LRRIQ3: variants seen among roughly 807,000 people sequenced by gnomAD.
LRRIQ3 encodes the protein leucine-rich repeat and IQ domain-containing protein 3.
A neutral mutation model predicts 59.3 loss-of-function variants in LRRIQ3; 75 were observed. That is an observed-to-expected ratio of 1.26 (90% confidence interval 1.05 to 1.53). The LOEUF (loss-of-function observed/expected upper bound fraction) is 1.53, where lower values mean the gene tolerates loss of function less well. Ranked by LOEUF, LRRIQ3 falls within the 40% of genes most tolerant of loss-of-function variation. The probability of loss-of-function intolerance (pLI) is 0.00; values close to 1 mark genes in which losing one functional copy is unlikely to be tolerated. For synonymous variants in LRRIQ3, 250 were observed against 231.3 expected, an observed-to-expected ratio of 1.08 and a Z score of -0.73; for missense variants, 831 against 710.0, an observed-to-expected ratio of 1.17 and a Z score of -1.94.
intron 4 of LRRIQ3, among the ~76,000 whole-genome samples, chr1:74,136,923 T>G (rs1647133986): frequency 6.6e-6 from 1 of 151,994 alleles, no homozygotes; most frequent in African/African-American, 2.4e-5. Flanking sequence ...ATAACGGTTC[T>G]TTATTTATAT....
chr1:74,079,212 G>C (rs1646244582), intron 5 of LRRIQ3, among the ~76,000 whole-genome samples: 1 of 151,494 alleles, frequency 6.6e-6, no homozygotes, highest in African/African-American at 2.4e-5. Flanking sequence ...CTTTCTACGA[G>C]GTATAGAACA....
intron 3 of LRRIQ3, among the ~76,000 whole-genome samples, chr1:74,177,358 C>A (rs1265754472): frequency 2.6e-5 from 4 of 152,110 alleles, no homozygotes; most frequent in African/African-American, 9.7e-5. Context: ...GATCTCCTTG[C>A]TCCTCAAGCT....
intron 3 of LRRIQ3, among the ~76,000 whole-genome samples, chr1:74,169,922 T>C (rs1649217482): frequency 6.6e-6 from 1 of 152,154 alleles, no homozygotes; most frequent in South Asian, 2.1e-4. Flanking sequence ...ATTAGTAGTG[T>C]TATCTTTTCA....
At chr1:74,132,666 G>T (rs1015394239) in intron 4 of LRRIQ3, among the ~76,000 whole-genome samples, 1 of 152,102 alleles carries the variant, frequency 6.6e-6, no homozygotes, top group Non-Finnish European at 1.5e-5. Context: ...GCCATATGTA[G>T]AAAGCTGAAA....
At chr1:74,187,353 T>TATACACAC (rs72216884) in intron 1 of LRRIQ3, among the ~76,000 whole-genome samples, 32 of 55,390 alleles carry the variant, frequency 5.8e-4, no homozygotes, top group East Asian at 2.7e-3. Flanking sequence ...GGTATATGTT[T>TATACACAC]ACACACACAC....
chr1:74,177,825 ATCT>A (rs1282869425), intron 3 of LRRIQ3, among the ~76,000 whole-genome samples: 3 of 152,022 alleles, frequency 2.0e-5, no homozygotes, highest in Non-Finnish European at 4.4e-5. Context: ...TATCTACTCT[ATCT>A]TCTTAGAAAT....
chr1:74,164,383 C>T (rs1648845263), intron 3 of LRRIQ3, among the ~76,000 whole-genome samples: 1 of 151,400 alleles, frequency 6.6e-6, no homozygotes, highest in Admixed American at 6.6e-5. Context: ...AACACTTTCA[C>T]AGAGGAAACA....
intron 5 of LRRIQ3, among the ~76,000 whole-genome samples, chr1:74,088,216 A>C (rs185418348): frequency 7.2e-5 from 11 of 152,318 alleles, no homozygotes; most frequent in Admixed American, 2.0e-4. Flanking sequence ...ATGAGTCTAA[A>C]AATTACAAAC....
At chr1:74,118,983 T>C (rs189744779) in intron 4 of LRRIQ3, among the ~76,000 whole-genome samples, 1 of 152,266 alleles carries the variant, frequency 6.6e-6, no homozygotes, top group East Asian at 1.9e-4. Context: ...GTCTACAAAT[T>C]TAAATGTTAA....
chr1:74,044,196 TA>T (rs1406394897), intron 6 of LRRIQ3, among the ~76,000 whole-genome samples: 1 of 152,118 alleles, frequency 6.6e-6, no homozygotes, highest in Admixed American at 6.6e-5. Context: ...GCCCCTAGCC[TA>T]CTATTTTGCA....
At chr1:74,189,628 C>T (rs550682271) in intron 1 of LRRIQ3, among the ~76,000 whole-genome samples, 1 of 152,142 alleles carries the variant, frequency 6.6e-6, no homozygotes, top group Non-Finnish European at 1.5e-5. Context: ...TGGGAGAGAC[C>T]CAGTGGGAGA....
intron 1 of LRRIQ3, among the ~76,000 whole-genome samples, chr1:74,187,242 G>C (rs1175306699): frequency 6.6e-6 from 1 of 151,816 alleles, no homozygotes; most frequent in Non-Finnish European, 1.5e-5. Context: ...GTTTATAGCA[G>C]CACAACTCAC....
At chr1:74,043,568 C>T (rs1340076507) in intron 6 of LRRIQ3, among the ~76,000 whole-genome samples, 1 of 152,060 alleles carries the variant, frequency 6.6e-6, no homozygotes, top group Non-Finnish European at 1.5e-5. Context: ...TATGTGTGTC[C>T]AAAGCAAGAG....
chr1:74,048,799 G>A (rs1654278648), intron 6 of LRRIQ3, among the ~76,000 whole-genome samples: 1 of 152,070 alleles, frequency 6.6e-6, no homozygotes, highest in East Asian at 1.9e-4. Context: ...TGTGTGAACA[G>A]TGTATACATA....
At position 74,075,948 on chromosome 1, in the gene LRRIQ3, T is replaced by C. The variant is rs139548179; in HGVS notation, c.868-1158A>G. Among the ~76,000 whole-genome samples the C allele has an allele frequency of 2.0e-3, 310 of 152,282 alleles. 3 individuals are homozygous for C. The highest frequency in any genetic ancestry group is 6.7e-3 in the African/African-American group (279 of 41,550). On this transcript the variant is annotated intron_variant, in intron 5 of 7. Transcript: ENST00000354431. Reference sequence around the variant, plus strand: ...ACACAGGCCCTGTATCTTAAGGAGCTTTTCCAGAGGTTCTTCAAATAACTT... The same window carrying C: ...ACACAGGCCCTGTATCTTAAGGAGCCTTTCCAGAGGTTCTTCAAATAACTT...
intron 4 of LRRIQ3, among the ~76,000 whole-genome samples, chr1:74,140,778 A>T (rs1647223928): frequency 6.6e-6 from 1 of 151,808 alleles, no homozygotes; most frequent in South Asian, 2.1e-4. Flanking sequence ...TTATCATATC[A>T]ATGTGAAATG....
chr1:74,041,343 T>G lies in LRRIQ3; in HGVS notation c.1588A>C (p.Arg530=). Residue 530 remains arginine, a synonymous_variant, in exon 7 of 8, where the codon AGA becomes CGA. Transcript: ENST00000354431. ...NLNNERTLLT[R]GLLKIDRLEK... ...AGTCTGTCAATTTTAAGTAGTCCTC[T>G]GGTCAAAAGAGTGCGCTCATTATTT... 1.2e-6 allele frequency: 2 copies of G among 1,613,870 alleles called. No homozygotes were observed. Among genetic ancestry groups the G allele is most frequent in the Non-Finnish European group, 1.7e-6 (2 of 1,179,890 alleles).
intron 3 of LRRIQ3, among the ~76,000 whole-genome samples, chr1:74,179,281 T>C (rs1649837272): frequency 6.6e-6 from 1 of 152,042 alleles, no homozygotes; most frequent in Non-Finnish European, 1.5e-5. Flanking sequence ...CCTCGTTTTT[T>C]TCTGACTCAA....
chr1:74,037,766 AG>A (rs1055698310), intron 7 of LRRIQ3, among the ~76,000 whole-genome samples: 2 of 152,210 alleles, frequency 1.3e-5, no homozygotes, highest in Non-Finnish European at 2.9e-5. Context: ...CACACGGGGC[AG>A]GGGAGCCCCC....
Sources: gnomAD v4.1 joint callset for allele counts (sites outside exome capture counted in the v4.1 genomes callset) on GRCh38, gnomAD v4.1.1 for gene constraint, MANE v1.5 for transcripts, NCBI Gene and HGNC (gene_info 2026-07-23, HGNC 2026-07-21) for gene names.